The following EDDM13 variants were observed in gnomAD, a reference collection of about 807,000 sequenced individuals.
The protein encoded by EDDM13 is epididymal protein 13.
A neutral mutation model predicts 17.8 loss-of-function variants in EDDM13; 24 were observed. The observed-to-expected ratio is 1.35, with a 90% CI of 0.98 to 1.90. The LOEUF is 1.90. EDDM13 is among the 40% of genes most tolerant of loss of function. The pLI is 0.00. For missense variants in EDDM13, 97 were observed against 100.8 expected (o/e 0.96, Z 0.16); for synonymous variants, 31 against 37.5 (o/e 0.83, Z 0.63).
chr19:56,286,038 T>C (rs1211859387), intron 6 of EDDM13, among the ~76,000 whole-genome samples: 1 of 152,216 alleles, frequency 6.6e-6, no homozygotes. Context: ...TTTATTTATT[T>C]AGAGACGGAG....
chr19:56,272,956 T>C, intron 1 of EDDM13, 37 bp downstream of exon 1: 1 of 933,216 alleles, frequency 1.1e-6, no homozygotes, highest in Non-Finnish European at 1.3e-6. Context: ...CCTCTATGTA[T>C]TTTCTTACAA....
intron 7 of EDDM13, among the ~76,000 whole-genome samples, chr19:56,288,671 G>A (rs1453185108): frequency 2.0e-5 from 3 of 152,192 alleles, no homozygotes; most frequent in Non-Finnish European, 4.4e-5. Flanking sequence ...TAGAAGGCGT[G>A]ACTGAGTGCT....
chr19:56,307,601 CCTTTT>C (rs2040778372), intron 14 of EDDM13, among the ~76,000 whole-genome samples: 1 of 152,168 alleles, frequency 6.6e-6, no homozygotes, highest in African/African-American at 2.4e-5. Context: ...TGCAGTGTTT[CCTTTT>C]AATTGTTCAT....
chr19:56,292,707 A>T (rs1189281135), intron 9 of EDDM13, among the ~76,000 whole-genome samples: 1 of 152,064 alleles, frequency 6.6e-6, no homozygotes, highest in Non-Finnish European at 1.5e-5. Flanking sequence ...TACCCATTAA[A>T]CAGTCAGTCC....
At chr19:56,293,165 G>T (rs2039632096) in intron 9 of EDDM13, among the ~76,000 whole-genome samples, 2 of 152,130 alleles carry the variant, frequency 1.3e-5, no homozygotes, top group Admixed American at 6.5e-5. Flanking sequence ...TTGAAAAATG[G>T]TATCCTGCAG....
intron 2 of EDDM13, among the ~76,000 whole-genome samples, chr19:56,276,780 G>A (rs892956949): frequency 6.6e-6 from 1 of 151,958 alleles, no homozygotes; most frequent in Admixed American, 6.5e-5. Context: ...CAGGTGATCC[G>A]CCCACCTCGG....
chr19:56,297,215 A>AGTCCC (rs2039932838), intron 11 of EDDM13, among the ~76,000 whole-genome samples: 1 of 152,186 alleles, frequency 6.6e-6, no homozygotes, highest in Non-Finnish European at 1.5e-5. Flanking sequence ...GAGGCAGCTG[A>AGTCCC]GTCCCTGGGA....
Position 56,301,955 on chromosome 19 carries a change from C to T in EDDM13, c.296-13C>T, listed in dbSNP as rs137858735. The T allele has an allele frequency of 1.2e-3, 1,443 of 1,232,054 alleles. 11 individuals carry two copies. The African/African-American group carries it at 0.019, about 16-fold the overall frequency. The allele number at this position is 1,232,054 out of a possible 1,614,324, so 76.3% of individuals were successfully genotyped here. Reference sequence around the variant, plus strand: ...AGGCCATCAGCATCAATCATCTCCACGGTTCTCTCCAGTTAAACCCTTCTC... The same window carrying T: ...AGGCCATCAGCATCAATCATCTCCATGGTTCTCTCCAGTTAAACCCTTCTC... On this transcript the variant is annotated splice_polypyrimidine_tract_variant and intron_variant, in intron 12 of 14. Coordinates refer to ENST00000649256, the MANE Select transcript of EDDM13 (RefSeq NM_001354658.2).
chr19:56,281,441 T>C (rs1450198351), intron 2 of EDDM13, among the ~76,000 whole-genome samples: 1 of 152,226 alleles, frequency 6.6e-6, no homozygotes, highest in Non-Finnish European at 1.5e-5. Context: ...AAAGAAGGGT[T>C]TCTAACACTC....
chr19:56,302,200 G>A, intron 13 of EDDM13, 105 bp downstream of exon 13: 1 of 751,972 alleles, frequency 1.3e-6, no homozygotes, highest in Non-Finnish European at 1.8e-6. Flanking sequence ...GAGGTGCCAA[G>A]CAGGAAGTGG....
At chr19:56,304,869 G>C in intron 14 of EDDM13, 39 bp downstream of exon 14, 2 of 887,136 alleles carry the variant, frequency 2.3e-6, no homozygotes, top group South Asian at 5.2e-5. Flanking sequence ...CCCACCGCTG[G>C]GGTGGGGTTA....
At chr19:56,288,004 T>C (rs1329658642) in intron 6 of EDDM13, among the ~76,000 whole-genome samples, 1 of 152,200 alleles carries the variant, frequency 6.6e-6, no homozygotes, top group African/African-American at 2.4e-5. Context: ...GTCTCTCATT[T>C]ATGATTCCAC....
chr19:56,302,732 G>C, intron 13 of EDDM13: 1 of 269,918 alleles, frequency 3.7e-6, no homozygotes, highest in Non-Finnish European at 6.8e-6. Flanking sequence ...CCCACCTCTA[G>C]ACTGGGATAA....
intron 1 of EDDM13, chr19:56,274,372 T>G (rs10775568): frequency 0.42 from 63,111 of 151,510 alleles, 14,390 homozygotes; most frequent in Non-Finnish European, 0.51. Flanking sequence ...GAAAATCGCT[T>G]GAACTCAGGA....
At chr19:56,293,522 T>C (rs2039656848) in intron 9 of EDDM13, among the ~76,000 whole-genome samples, 1 of 152,064 alleles carries the variant, frequency 6.6e-6, no homozygotes, top group Non-Finnish European at 1.5e-5. Context: ...TGGCAGAGAG[T>C]GTGCACTGTG....
intron 2 of EDDM13, among the ~76,000 whole-genome samples, chr19:56,281,208 C>T (rs144271739): frequency 9.4e-4 from 143 of 152,176 alleles, no homozygotes; most frequent in African/African-American, 3.3e-3. Context: ...TCCTTGTCAT[C>T]TTCACAATGA....
chr19:56,305,835 G>A (rs980687123), intron 14 of EDDM13, among the ~76,000 whole-genome samples: 1 of 152,188 alleles, frequency 6.6e-6, no homozygotes, highest in East Asian at 1.9e-4. Flanking sequence ...ATGAATCAAA[G>A]GCCTGTAGAA....
rs563616659 is a variant in EDDM13, at chr19:56,281,471, G to A, written c.104-222G>A. Among the ~76,000 whole-genome samples, 8 of 152,206 alleles carry A rather than the reference G, an allele frequency of 5.3e-5. No homozygotes were observed. In the South Asian group the frequency reaches 6.2e-4, roughly 12 times the overall value. On this transcript the variant is annotated intron_variant, in intron 2 of 14. Coordinates refer to ENST00000649256, the MANE Select transcript of EDDM13 (RefSeq NM_001354658.2). ...ACACTCGTGCCACTACAATGCTATC[G>A]CTGTATTGATCTTTGTCAAATTTAT...
chr19:56,276,818 T>C (rs1012644190), intron 2 of EDDM13, among the ~76,000 whole-genome samples: 2 of 152,260 alleles, frequency 1.3e-5, no homozygotes, highest in East Asian at 3.9e-4. Flanking sequence ...ATTACAGGTG[T>C]GAGCCACTGT....
Sources: gnomAD v4.1 joint callset for allele counts (sites outside exome capture counted in the v4.1 genomes callset) on GRCh38, gnomAD v4.1.1 for gene constraint, MANE v1.5 for transcripts, NCBI Gene and HGNC (gene_info 2026-07-23, HGNC 2026-07-21) for gene names.